The following IRGM variants were observed in gnomAD, a reference collection of about 807,000 sequenced individuals.
IRGM encodes the protein immunity related GTPase M.
For missense variants in IRGM, 288 were observed against 219.9 expected (o/e 1.31, Z -1.96); for synonymous variants, 98 against 80.6 (o/e 1.22, Z -1.16).
chr5:150,886,292 G>A (rs1754521113), intron 3 of IRGM, among the ~76,000 whole-genome samples: 1 of 152,052 alleles, frequency 6.6e-6, no homozygotes, highest in South Asian at 2.1e-4. Context: ...TGTGCTGCTG[G>A]ATTTGGTTTG....
intron 3 of IRGM, chr5:150,898,085 T>G: frequency 6.2e-7 from 1 of 1,611,028 alleles, no homozygotes; most frequent in Non-Finnish European, 8.5e-7. Context: ...TGCCTGATAT[T>G]CATCTGGATA....
At chr5:150,888,354 G>C (rs1754556547) in intron 3 of IRGM, among the ~76,000 whole-genome samples, 1 of 151,956 alleles carries the variant, frequency 6.6e-6, no homozygotes. Flanking sequence ...CATAATAAAA[G>C]TGGGAGACTC....
intron 1 of IRGM, among the ~76,000 whole-genome samples, chr5:150,861,858 T>C (rs1420923789): frequency 6.6e-6 from 1 of 152,196 alleles, no homozygotes; most frequent in East Asian, 1.9e-4. Flanking sequence ...AAAAAAATAT[T>C]TCATATTATT....
intron 1 of IRGM, among the ~76,000 whole-genome samples, chr5:150,876,180 T>C (rs2113282225): frequency 6.6e-6 from 1 of 152,348 alleles, no homozygotes; most frequent in East Asian, 1.9e-4. Context: ...GACAATACTT[T>C]GCAGGGCTGG....
At chr5:150,859,157 G>A (rs992549795) in intron 1 of IRGM, among the ~76,000 whole-genome samples, 55 of 152,138 alleles carry the variant, frequency 3.6e-4, no homozygotes, top group African/African-American at 1.2e-3. Context: ...ATTTTGTCAA[G>A]GGCCTTTTCT....
chr5:150,849,797 G>A (rs1025186248), downstream of IRGM, among the ~76,000 whole-genome samples: 19 of 151,784 alleles, frequency 1.3e-4, no homozygotes, highest in Non-Finnish European at 2.5e-4. Context: ...AGTAGAGACC[G>A]GGTTTCACCA....
At chr5:150,895,237 T>C (rs977790975) in intron 3 of IRGM, 1 of 503,318 alleles carries the variant, frequency 2.0e-6, no homozygotes, top group Admixed American at 3.6e-5. Flanking sequence ...ATATTAAAAA[T>C]GTTCTTCATT....
chr5:150,856,059 GA>G (rs1411899590), intron 1 of IRGM, among the ~76,000 whole-genome samples: 3 of 151,420 alleles, frequency 2.0e-5, no homozygotes, highest in Non-Finnish European at 2.9e-5. Flanking sequence ...TATCATGGGG[GA>G]ATATTTCAGA....
intron 1 of IRGM, among the ~76,000 whole-genome samples, chr5:150,869,054 C>A (rs968873563): frequency 5.9e-5 from 9 of 152,126 alleles, no homozygotes; most frequent in African/African-American, 2.2e-4. Flanking sequence ...GCATTCTTGT[C>A]TTGTTCCAGT....
At chr5:150,889,700 T>A (rs1484565044) in intron 3 of IRGM, among the ~76,000 whole-genome samples, 1 of 152,100 alleles carries the variant, frequency 6.6e-6, no homozygotes, top group Non-Finnish European at 1.5e-5. Context: ...CTATATGATA[T>A]TAACTGTAGG....
chr5:150,896,655 T>TTTAAG, intron 3 of IRGM: 2 of 1,613,530 alleles, frequency 1.2e-6, no homozygotes, highest in Non-Finnish European at 8.5e-7. Flanking sequence ...AATATTTGGT[T>TTTAAG]TTAAGTTCTT....
chr5:150,898,468 C>A (rs572813532), intron 3 of IRGM: 1 of 1,613,268 alleles, frequency 6.2e-7, no homozygotes, highest in South Asian at 1.1e-5. Context: ...GCATCACATC[C>A]CTGTACAGGG....
rs1706195716 is a variant in IRGM at position 150,848,529 on chromosome 5, G to A, written c.406G>A (p.Asp136Asn). ...TGTGATGCTTGCCAAAACCGCTGAG[G>A]ACATGGGAAAGAAGTTCTACATTGT... The part of the protein sequence containing the change: ...NHVMLAKTAE[D>N]MGKKFYIVWT... The change falls in exon 2 of 2, where the codon GAC (aspartate) becomes AAC (asparagine). Residue 136 changes from aspartate (D) to asparagine (N), a missense_variant. Transcript: ENST00000522154. 2 of 1,551,812 alleles carry A rather than the reference G, an allele frequency of 1.3e-6. No individual in the cohort carries two copies. Among genetic ancestry groups the A allele is most frequent in the Non-Finnish European group, 1.7e-6 (2 of 1,146,988 alleles).
intron 1 of IRGM, among the ~76,000 whole-genome samples, chr5:150,860,404 G>A (rs187449748): frequency 6.6e-6 from 1 of 152,274 alleles, no homozygotes; most frequent in African/African-American, 2.4e-5. Flanking sequence ...AAACCTGTGG[G>A]TGTTTTCTTG....
intron 1 of IRGM, chr5:150,877,901 T>G: frequency 2.3e-6 from 1 of 425,706 alleles, no homozygotes; most frequent in East Asian, 7.4e-5. Flanking sequence ...GGTCATTGAA[T>G]TTCATTTGCT....
chr5:150,885,956 T>C (rs1754514963), intron 3 of IRGM, among the ~76,000 whole-genome samples: 1 of 151,886 alleles, frequency 6.6e-6, no homozygotes, highest in Admixed American at 6.6e-5. Context: ...TGTTGAAGAG[T>C]GGTGAGAGAG....
At chr5:150,867,085 G>A (rs1445089798) in intron 1 of IRGM, among the ~76,000 whole-genome samples, 1 of 152,008 alleles carries the variant, frequency 6.6e-6, no homozygotes, top group East Asian at 1.9e-4. Flanking sequence ...AAATTCCTTA[G>A]TGGTGATTTC....
chr5:150,880,686 T>C (rs1435793158), intron 3 of IRGM, among the ~76,000 whole-genome samples: 2 of 152,332 alleles, frequency 1.3e-5, no homozygotes, highest in South Asian at 4.1e-4. Flanking sequence ...ACTGTATCAC[T>C]CAACATGTTA....
chr5:150,860,988 A>G (rs933985726), intron 1 of IRGM, among the ~76,000 whole-genome samples: 3 of 152,270 alleles, frequency 2.0e-5, no homozygotes, highest in Middle Eastern at 3.4e-3. Context: ...TGCTCAGTGG[A>G]TGGTATCAGA....
Sources: gnomAD v4.1 joint callset for allele counts (sites outside exome capture counted in the v4.1 genomes callset) on GRCh38, gnomAD v4.1.1 for gene constraint, MANE v1.5 for transcripts, NCBI Gene and HGNC (gene_info 2026-07-23, HGNC 2026-07-21) for gene names.